Variants in SLC22A23 observed in about 807,000 individuals in gnomAD.
The protein encoded by SLC22A23 is solute carrier family 22 member 23, also known as ion transporter protein.
SLC22A23 carries 26 observed loss-of-function variants against 61.0 expected under a neutral mutation model. The observed-to-expected ratio is 0.43, with a 90% CI of 0.31 to 0.59. The LOEUF (loss-of-function observed/expected upper bound fraction) is 0.59, where lower values mean the gene tolerates loss of function less well. Among genes scored for constraint, SLC22A23 ranks in the 20% least tolerant of loss-of-function variants. The pLI is 0.11. For synonymous variants in SLC22A23, 430 were observed against 413.9 expected (o/e 1.04, Z -0.47); for missense variants, 796 against 934.7 (o/e 0.85, Z 1.94).
In SLC22A23 at chr6:3,325,901, G is replaced by A. The variant is rs528818245; in HGVS notation, c.914-1899C>T. On this transcript the variant is annotated intron_variant, in intron 3 of 9. Transcript: ENST00000406686. ...GATAATGTGGAAACAGCATGATGGCGTCGTATCAGTGGTTTGCTGGTACAG... is the reference window on the plus strand; with the variant it reads ...GATAATGTGGAAACAGCATGATGGCATCGTATCAGTGGTTTGCTGGTACAG... Among the ~76,000 whole-genome samples the A allele has an allele frequency of 2.5e-4, 38 of 152,348 alleles. 1 individual carries two copies. Among genetic ancestry groups the A allele is most frequent in the South Asian group, 4.1e-4 (2 of 4,820 alleles).
chr6:3,401,255 T>C lies in SLC22A23; in HGVS notation c.913+8933A>G, dbSNP rs527882023. 5.8e-3 allele frequency among the ~76,000 whole-genome samples: 887 copies of C among 152,314 alleles called. 2 individuals carry two copies. Among genetic ancestry groups the C allele is most frequent in the Non-Finnish European group, 8.6e-3 (587 of 68,018 alleles). On this transcript the variant is annotated intron_variant, in intron 3 of 9. Transcript: ENST00000406686. ...TGGGAGGCTGAGGCGGGAGAATCGC[T>C]TGAACCTGGGAGATGGAGGTTGTAG... is the stretch of plus-strand genomic sequence containing the variant.
At chr6:3,288,812 C>T (rs750179251) in intron 6 of SLC22A23, among the ~76,000 whole-genome samples, 10 of 152,212 alleles carry the variant, frequency 6.6e-5, no homozygotes, top group Non-Finnish European at 1.0e-4. Flanking sequence ...TGGCCGTGGC[C>T]GGTCCCTGGC....
Position 3,318,739 on chromosome 6 carries a change from T to C in SLC22A23, c.1082+5095A>G, listed in dbSNP as rs1326923663. Among the ~76,000 whole-genome samples the C allele has an allele frequency of 2.0e-5, 3 of 152,298 alleles. No homozygotes were observed. Among genetic ancestry groups the C allele is most frequent in the African/African-American group, 4.8e-5 (2 of 41,560 alleles). On this transcript the variant is annotated intron_variant, in intron 4 of 9. Coordinates refer to ENST00000406686, the MANE Select transcript of SLC22A23 (RefSeq NM_015482.2). The surrounding 1 kb of genome is among the most constrained non-coding windows in gnomAD (Gnocchi z 4.3). ...CACAGGCTGCGGCCTCAGTCAAGTC[T>C]CCTGGTCACCTCATCCTGTCACCCA...
chr6:3,402,159 T>C (rs1026753263), intron 3 of SLC22A23, among the ~76,000 whole-genome samples: 4 of 152,180 alleles, frequency 2.6e-5, no homozygotes, highest in African/African-American at 9.7e-5. Context: ...TCCTGCCCCA[T>C]GGCCATGGCC....
chr6:3,450,365 G>A (rs1469664259), intron 1 of SLC22A23, among the ~76,000 whole-genome samples: 2 of 152,186 alleles, frequency 1.3e-5, no homozygotes, highest in Non-Finnish European at 2.9e-5. Flanking sequence ...GGAGTGCAGT[G>A]GAGTGATCTC....
intron 3 of SLC22A23, among the ~76,000 whole-genome samples, chr6:3,326,942 T>C (rs1763313662): frequency 6.6e-6 from 1 of 152,226 alleles, no homozygotes; most frequent in African/African-American, 2.4e-5. Flanking sequence ...CATGAGGACA[T>C]TTCAGCCTTG....
At chr6:3,371,403 T>C (rs965447906) in intron 3 of SLC22A23, among the ~76,000 whole-genome samples, 5 of 152,240 alleles carry the variant, frequency 3.3e-5, no homozygotes, top group African/African-American at 1.2e-4. Context: ...TTTCCTAAAT[T>C]TTCATGTGTC....
intron 3 of SLC22A23, among the ~76,000 whole-genome samples, chr6:3,365,102 T>C (rs920799266): frequency 6.6e-6 from 1 of 152,168 alleles, no homozygotes. Context: ...GCAGATTACC[T>C]GAGGTCAGGA....
rs1056484126 is a variant in SLC22A23, at chr6:3,317,619, G to A, written c.1082+6215C>T. On this transcript the variant is annotated intron_variant, in intron 4 of 9. Coordinates refer to ENST00000406686, the MANE Select transcript of SLC22A23 (RefSeq NM_015482.2). The surrounding 1 kb of genome is among the most constrained non-coding windows in gnomAD (Gnocchi z 4.4). ...TCTAGATGAGCGCTAAATCCCTGCTGCTCTTTACCGAGTGACAATCAATGC... is the reference window on the plus strand; with the variant it reads ...TCTAGATGAGCGCTAAATCCCTGCTACTCTTTACCGAGTGACAATCAATGC... 3.3e-5 allele frequency among the ~76,000 whole-genome samples: 5 copies of A among 152,188 alleles called. No homozygotes were observed. Among genetic ancestry groups the A allele is most frequent in the Admixed American group, 1.3e-4 (2 of 15,268 alleles).
At chr6:3,395,404 G>A (rs1767942912) in intron 3 of SLC22A23, among the ~76,000 whole-genome samples, 1 of 152,226 alleles carries the variant, frequency 6.6e-6, no homozygotes, top group Non-Finnish European at 1.5e-5. Flanking sequence ...CACAAGGACT[G>A]TGCCCATCCA....
chr6:3,293,182 G>T (rs2127343914), intron 5 of SLC22A23, among the ~76,000 whole-genome samples: 1 of 152,318 alleles, frequency 6.6e-6, no homozygotes, highest in African/African-American at 2.4e-5. Context: ...CGTTAGGGGT[G>T]AAATTGGAAA....
rs918629929 is a variant in SLC22A23, at chr6:3,298,302, T to C, written c.1083-84A>G. ...TGTGGCTTAGGTGTGGCCCGGGAGC[T>C]TCCCAGGCAGGTGGCGGTCAGTCTC... is the stretch of plus-strand genomic sequence containing the variant. On this transcript the variant is annotated intron_variant, in intron 4 of 9. Transcript: ENST00000406686. 5 of 1,478,680 alleles carry C rather than the reference T, an allele frequency of 3.4e-6. No homozygotes were observed. In the South Asian group the frequency reaches 6.8e-5, roughly 20 times the overall value. 91.6% of individuals were successfully genotyped at this position (1,478,680 alleles called of 1,614,324 possible). A position where few individuals can be genotyped will look rare whatever the true frequency, so the allele number is the denominator to read the frequency against.
At chr6:3,370,371 C>T (rs1157065606) in intron 3 of SLC22A23, among the ~76,000 whole-genome samples, 1 of 152,258 alleles carries the variant, frequency 6.6e-6, no homozygotes, top group Admixed American at 6.5e-5. Context: ...GTGCATGTGC[C>T]TTCCAACGGC....
chr6:3,431,526 T>C (rs1244955710), intron 1 of SLC22A23, among the ~76,000 whole-genome samples: 1 of 152,232 alleles, frequency 6.6e-6, no homozygotes, highest in East Asian at 1.9e-4. Flanking sequence ...AAGTTATGGA[T>C]GAGCTCAGAA....
Position 3,317,130 on chromosome 6 carries a change from T to C in SLC22A23, c.1082+6704A>G, listed in dbSNP as rs1287451080. Among the ~76,000 whole-genome samples the C allele has an allele frequency of 6.6e-6, 1 of 152,162 alleles. No individual in the cohort carries two copies. Among genetic ancestry groups the C allele is most frequent in the Non-Finnish European group, 1.5e-5 (1 of 68,016 alleles). On this transcript the variant is annotated intron_variant, in intron 4 of 9. Transcript: ENST00000406686. This position sits in a 1 kb window ranked among gnomAD's most constrained non-coding sequence, Gnocchi z 4.4. ...TTCTCCCTCCCTTGTCATTCCTCAA[T>C]AGTGAATTCCCGCGCAGGAAACTTG...
intron 3 of SLC22A23, among the ~76,000 whole-genome samples, chr6:3,409,231 C>G (rs1265917187): frequency 6.6e-6 from 1 of 152,202 alleles, no homozygotes; most frequent in Non-Finnish European, 1.5e-5. Flanking sequence ...ACAAAACGGC[C>G]AACTACGGAT....
chr6:3,392,860 G>A (rs750640080), intron 3 of SLC22A23, among the ~76,000 whole-genome samples: 7 of 152,172 alleles, frequency 4.6e-5, no homozygotes, highest in Admixed American at 1.3e-4. Flanking sequence ...ATACGATTTT[G>A]GAACTCAGCA....
chr6:3,342,751 C>G lies in SLC22A23; in HGVS notation c.914-18749G>C, dbSNP rs1001772727. ...TAGTGCTGGGGATGAAAACCTTTTC[C>G]TCCACCCTCCTAGGGTCAGTGCTTG... is the stretch of plus-strand genomic sequence containing the variant. On this transcript the variant is annotated intron_variant, in intron 3 of 9. Transcript: ENST00000406686. The surrounding 1 kb of genome is among the most constrained non-coding windows in gnomAD (Gnocchi z 4.0). 1.7e-4 allele frequency among the ~76,000 whole-genome samples: 26 copies of G among 152,286 alleles called. No homozygotes were observed.
chr6:3,431,755 G>T (rs1330684506), intron 1 of SLC22A23, among the ~76,000 whole-genome samples: 2 of 152,208 alleles, frequency 1.3e-5, no homozygotes, highest in African/African-American at 4.8e-5. Context: ...GGTTCTGAAA[G>T]TGAGGGCACA....
Sources: gnomAD v4.1 joint callset for allele counts (sites outside exome capture counted in the v4.1 genomes callset) on GRCh38, gnomAD v4.1.1 for gene constraint, Gnocchi (gnomAD v3.1) non-coding constraint, MANE v1.5 for transcripts, NCBI Gene and HGNC (gene_info 2026-07-23, HGNC 2026-07-21) for gene names.